AATK: variants seen among roughly 807,000 people sequenced by gnomAD.
AATK encodes serine/threonine-protein kinase LMTK1.
In AATK, 91 loss-of-function variants were observed where a neutral mutation model predicts 114.3. The observed-to-expected ratio is 0.80, with a 90% confidence interval of 0.67 to 0.95. The LOEUF (loss-of-function observed/expected upper bound fraction) is 0.95, where lower values mean the gene tolerates loss of function less well. Among genes scored for constraint, AATK ranks in the 40% least tolerant of loss-of-function variants. The probability of loss-of-function intolerance (pLI) is 0.00; values close to 1 mark genes in which losing one functional copy is unlikely to be tolerated. For missense variants in AATK, 2,176 were observed against 1,965.2 expected (o/e 1.11, Z -2.03); for synonymous variants, 1,075 against 916.5 (o/e 1.17, Z -3.12).
intron 1 of AATK, among the ~76,000 whole-genome samples, chr17:81,149,317 G>A (rs1027548111): frequency 7.2e-5 from 11 of 152,110 alleles, no homozygotes; most frequent in South Asian, 6.2e-4. Context: ...CACCTCCATC[G>A]GACTGCCCTG....
intron 1 of AATK, among the ~76,000 whole-genome samples, chr17:81,161,012 G>A (rs1300835435): frequency 6.6e-6 from 1 of 152,232 alleles, no homozygotes; most frequent in Admixed American, 6.5e-5. Flanking sequence ...GGGTTCTGAG[G>A]CTGGGGGCTA....
intron 2 of AATK, chr17:81,133,121 G>T: frequency 2.4e-6 from 1 of 424,524 alleles, no homozygotes; most frequent in Non-Finnish European, 4.7e-6. Flanking sequence ...GGGGGCTCTG[G>T]GCAGGAGTGC....
At chr17:81,151,440 C>T (rs2061296785) in intron 1 of AATK, among the ~76,000 whole-genome samples, 1 of 152,058 alleles carries the variant, frequency 6.6e-6, no homozygotes, top group Non-Finnish European at 1.5e-5. Flanking sequence ...GGGACGCGTG[C>T]ACACACTTGT....
intron 1 of AATK, among the ~76,000 whole-genome samples, chr17:81,153,252 C>T (rs1291871380): frequency 2.6e-5 from 4 of 152,154 alleles, no homozygotes; most frequent in Non-Finnish European, 5.9e-5. Flanking sequence ...AAAAGTACAG[C>T]ACCTTATCAA....
rs201892900 is a variant in AATK at position 81,138,608 on chromosome 17, AAC to A, written c.56-4109_56-4108del. On this transcript the variant is annotated intron_variant, in intron 1 of 13. Transcript: ENST00000326724. ...CACACACGTGCACACCCACACGCAC[AAC>A]ACACACACATACCCACACACATATC... Among the ~76,000 whole-genome samples the A allele has an allele frequency of 2.7e-3, 385 of 144,016 alleles. 3 individuals are homozygous for A. The highest frequency in any genetic ancestry group is 8.0e-3 in the African/African-American group (314 of 39,084). 94.5% of individuals were successfully genotyped at this position (144,016 alleles called of 152,430 possible).
chr17:81,161,402 C>T (rs796772609), intron 1 of AATK, among the ~76,000 whole-genome samples: 4 of 152,216 alleles, frequency 2.6e-5, no homozygotes, highest in Admixed American at 2.0e-4. Flanking sequence ...CACCCTACTC[C>T]GGTCCGACCT....
At chr17:81,119,712 C>T (rs2060668817) in intron 12 of AATK, 132 bp from the exon 13 acceptor site, 6 of 899,364 alleles carry the variant, frequency 6.7e-6, no homozygotes, top group East Asian at 5.6e-5. Flanking sequence ...CATGATGTCA[C>T]GGGCCCAGGC....
chr17:81,133,301 C>T (rs1334996478), intron 2 of AATK: 22 of 448,736 alleles, frequency 4.9e-5, no homozygotes, highest in Admixed American at 4.8e-4. Context: ...GCCAGGCCAG[C>T]GGGACAGGTG....
intron 10 of AATK, 46 bp downstream of exon 10, chr17:81,123,148 C>A (rs1459475016): frequency 7.2e-7 from 1 of 1,396,548 alleles, no homozygotes; most frequent in Non-Finnish European, 9.3e-7. Flanking sequence ...GATCAGGATA[C>A]CCCATCTCGG....
At chr17:81,158,175 C>G (rs1051816067) in intron 1 of AATK, among the ~76,000 whole-genome samples, 4 of 152,334 alleles carry the variant, frequency 2.6e-5, no homozygotes, top group Middle Eastern at 3.4e-3. Context: ...CAGTCTGACG[C>G]GCTAGTTCAG....
chr17:81,133,105 C>A, intron 2 of AATK: 1 of 393,728 alleles, frequency 2.5e-6, no homozygotes, highest in Admixed American at 3.3e-5. Context: ...CATCCCAGAG[C>A]AGGGTGGGGG....
chr17:81,130,515 C>T (rs115236684), intron 3 of AATK, among the ~76,000 whole-genome samples: 1,650 of 152,250 alleles, frequency 0.011, 35 homozygotes, highest in African/African-American at 0.038. Flanking sequence ...GGCCCCTCCT[C>T]GCAGCCTGAG....
chr17:81,140,674 ACCATGG>A (rs1567819405), intron 1 of AATK, among the ~76,000 whole-genome samples: 10 of 76,670 alleles, frequency 1.3e-4, no homozygotes, highest in South Asian at 3.9e-4. Flanking sequence ...GGCCGTGGGG[ACCATGG>A]GGCCGTGGGG....
Position 81,120,500 on chromosome 17 carries a change from C to T in AATK, c.3436G>A (p.Ala1146Thr). The change falls in exon 11 of 14, where the codon GCT becomes ACT. Residue 1146 changes from alanine (A) to threonine (T), a missense_variant. Coordinates refer to ENST00000326724, the MANE Select transcript of AATK (RefSeq NM_001080395.3). ...AAGGCCGCAGGGAGGCCGGGCAGAG[C>T]CAGGCGGAGTGGGGCTCTGGGGGTG... is the stretch of plus-strand genomic sequence containing the variant. The part of the protein sequence containing the change: ...PGTPRAPLRL[A>T]LPGLPAALEG... 2 of 1,497,094 alleles carry T rather than the reference C, an allele frequency of 1.3e-6. No individual in the cohort carries two copies. Among genetic ancestry groups the T allele is most frequent in the Non-Finnish European group, 1.8e-6 (2 of 1,120,046 alleles). The allele number at this position is 1,497,094 out of a possible 1,614,324, so 92.7% of individuals were successfully genotyped here.
chr17:81,153,696 G>A (rs554351555), intron 1 of AATK, among the ~76,000 whole-genome samples: 5 of 152,216 alleles, frequency 3.3e-5, no homozygotes, highest in South Asian at 4.1e-4. Context: ...TGGACCTCCC[G>A]TACCCCAAAC....
rs917744578 is a variant in AATK, at chr17:81,142,247, C to T, written c.56-7746G>A. On this transcript the variant is annotated intron_variant, in intron 1 of 13. Transcript: ENST00000326724. ...ATGCTGGGATTACAGGCATGAGCTA[C>T]CAGGCCCGCTCTTTTTTTTCTTTTT... Among the ~76,000 whole-genome samples the T allele has an allele frequency of 3.3e-5, 5 of 151,790 alleles. No homozygotes were observed. The East Asian group carries it at 7.8e-4, about 24-fold the overall frequency.
chr17:81,138,577 C>T (rs1180863244), intron 1 of AATK, among the ~76,000 whole-genome samples: 1 of 150,762 alleles, frequency 6.6e-6, no homozygotes, highest in Non-Finnish European at 1.5e-5. Context: ...CCCACACGCA[C>T]ATACCCACAC....
At chr17:81,140,845 AGCCGTGGG>A in intron 1 of AATK, among the ~76,000 whole-genome samples, 1 of 39,550 alleles carries the variant, frequency 2.5e-5, no homozygotes, top group African/African-American at 1.2e-4. Flanking sequence ...TGGGGCCGTG[AGCCGTGGG>A]GCTGTGGGGC....
In AATK at chr17:81,117,497, C is replaced by T. The variant is rs899097688; in HGVS notation, c.*905G>A. On this transcript the variant is annotated 3_prime_UTR_variant, in exon 14 of 14. Coordinates refer to ENST00000326724, the MANE Select transcript of AATK (RefSeq NM_001080395.3). ...CAGTTAGTTAGTTACAAAAATATTC[C>T]CTGTGCTGCCCTGCCCCCAGCTCCA... 5 of 152,334 alleles carry T rather than the reference C, an allele frequency of 3.3e-5. No homozygotes were observed. The highest frequency in any genetic ancestry group is 9.7e-5 in the African/African-American group (4 of 41,444). The allele number at this position is 152,334 out of a possible 1,614,324, so 9.4% of individuals were successfully genotyped here. A position where few individuals can be genotyped will look rare whatever the true frequency, so the allele number is the denominator to read the frequency against.
Sources: allele counts gnomAD v4.1 joint callset (sites outside exome capture counted in the v4.1 genomes callset), GRCh38; gene constraint gnomAD v4.1.1; transcripts MANE v1.5; gene names NCBI Gene and HGNC (gene_info 2026-07-23, HGNC 2026-07-21).